PTTG1: variants seen among roughly 807,000 people sequenced by gnomAD.
PTTG1 encodes the protein securin.
PTTG1 carries 8 observed loss-of-function variants against 20.0 expected under a neutral mutation model. The observed-to-expected ratio is 0.40, with a 90% CI of 0.23 to 0.72. The LOEUF is 0.72. Ranked by LOEUF, PTTG1 falls within the 30% of genes least tolerant of loss-of-function variation. The pLI is 0.38. For synonymous variants in PTTG1, 79 were observed against 87.2 expected (o/e 0.91, Z 0.52); for missense variants, 197 against 236.0 (o/e 0.83, Z 1.08).
At chr5:160,424,537 A>G in intron 4 of PTTG1, 3 of 492,422 alleles carry the variant, frequency 6.1e-6, no homozygotes, top group South Asian at 2.8e-5. Context: ...ACAAAGATGT[A>G]GAAGACATTG....
chr5:160,425,556 A>G (rs1273380137), intron 4 of PTTG1, among the ~76,000 whole-genome samples: 1 of 152,228 alleles, frequency 6.6e-6, no homozygotes, highest in Non-Finnish European at 1.5e-5. Flanking sequence ...TTTATCAGAA[A>G]AGAAATATTT....
Position 160,422,864 on chromosome 5 carries a change from C to A in PTTG1, c.247C>A (p.Gln83Lys), listed in dbSNP as rs75360125. The A allele has an allele frequency of 6.2e-7, 1 of 1,614,100 alleles. No individual in the cohort carries two copies. Among genetic ancestry groups the A allele is most frequent in the Non-Finnish European group, 8.5e-7 (1 of 1,179,994 alleles). ...TGTAAAGACCAAGGGACCCCTCAAA[C>A]AAAAACAGCCAAGCTTTTCTGCCAA... ...KSVKTKGPLKQKQPSFSAKKM... is the reference protein window; with the variant it reads ...KSVKTKGPLKKKQPSFSAKKM... The change falls in exon 3 of 6, where the codon CAA becomes AAA. Residue 83 changes from glutamine (Q) to lysine (K), a missense_variant. By Grantham distance (53) the Gln-to-Lys change is moderately conservative. Transcript: ENST00000352433.
At chr5:160,425,765 T>G (rs1462043617) in intron 4 of PTTG1, among the ~76,000 whole-genome samples, 1 of 151,706 alleles carries the variant, frequency 6.6e-6, no homozygotes, top group Non-Finnish European at 1.5e-5. Flanking sequence ...TTCAGTGGTT[T>G]TAAGTTAAAT....
At position 160,428,703 on chromosome 5, in the gene PTTG1, T is replaced by C; in HGVS notation, c.*22T>C. ...TTAAATTTCTTAGTGCTTCAGAGTT[T>C]GTGTGTATTTGTATTAATAAAGCAT... On this transcript the variant is annotated 3_prime_UTR_variant, in exon 6 of 6. Transcript: ENST00000352433. The C allele has an allele frequency of 6.3e-7, 1 of 1,583,420 alleles. No homozygotes were observed. The highest frequency in any genetic ancestry group is 1.3e-5 in the African/African-American group (1 of 74,246).
In PTTG1 at chr5:160,422,794, T is replaced by C. The variant is rs1168366847; in HGVS notation, c.177T>C (p.Ala59=). The C allele has an allele frequency of 6.2e-7, 1 of 1,614,116 alleles. No homozygotes were observed. ...ATGCCCCACCAGCCTTACCTAAAGC[T>C]ACTAGAAAGGCTTTGGGAACTGTCA... ...TFDAPPALPK[A]TRKALGTVNR... is the part of the protein sequence containing the mutation. The change falls in exon 3 of 6, where the codon GCT becomes GCC. Residue 59 remains alanine, a synonymous_variant. Transcript: ENST00000352433.
chr5:160,424,227 G>C lies in PTTG1; in HGVS notation c.277-10G>C, dbSNP rs1480783480. 6.3e-7 allele frequency: 1 copy of C among 1,590,102 alleles called. No homozygotes were observed. Among genetic ancestry groups the C allele is most frequent in the Non-Finnish European group, 8.6e-7 (1 of 1,162,428 alleles). Reference sequence around the variant, plus strand: ...CTGTCACTAACCCATATTTTCTTTGGCTGTTCTAGATGACTGAGAAGACTG... The same window carrying C: ...CTGTCACTAACCCATATTTTCTTTGCCTGTTCTAGATGACTGAGAAGACTG... On this transcript the variant is annotated splice_polypyrimidine_tract_variant and intron_variant, in intron 3 of 5. Coordinates refer to ENST00000352433, the MANE Select transcript of PTTG1 (RefSeq NM_004219.4).
chr5:160,422,257 T>G, intron 1 of PTTG1, 45 bp from the exon 2 acceptor site: 3 of 1,444,044 alleles, frequency 2.1e-6, no homozygotes, highest in Non-Finnish European at 2.9e-6. Flanking sequence ...ATACCTTTGC[T>G]TCTCCCACCT....
intron 4 of PTTG1, 33 bp from the exon 5 acceptor site, chr5:160,427,682 T>A: frequency 1.9e-6 from 3 of 1,606,604 alleles, no homozygotes; most frequent in Non-Finnish European, 2.6e-6. Context: ...TAAGAACTGC[T>A]GCCCTGACAA....
At chr5:160,422,023 G>T (rs540911804) in intron 1 of PTTG1, 132 bp downstream of exon 1, 28 of 273,706 alleles carry the variant, frequency 1.0e-4, no homozygotes, top group African/African-American at 6.2e-4. Flanking sequence ...ATGGCTCCGA[G>T]CCCGTTTGAG....
chr5:160,426,675 A>G (rs532410166), intron 4 of PTTG1, among the ~76,000 whole-genome samples: 1 of 152,376 alleles, frequency 6.6e-6, no homozygotes, highest in Admixed American at 6.5e-5. Context: ...TCAAAAGCAC[A>G]TTAATACCAC....
At chr5:160,424,021 C>A (rs1212060641) in intron 3 of PTTG1, among the ~76,000 whole-genome samples, 1 of 152,168 alleles carries the variant, frequency 6.6e-6, no homozygotes, top group Non-Finnish European at 1.5e-5. Context: ...ATCACTTATG[C>A]TGACAGGTGC....
intron 4 of PTTG1, among the ~76,000 whole-genome samples, 170 bp from the exon 5 acceptor site, chr5:160,427,545 C>T (rs575810094): frequency 6.6e-6 from 1 of 152,316 alleles, no homozygotes; most frequent in African/African-American, 2.4e-5. Context: ...TTCTCCACCG[C>T]TGCCTTGGTA....
intron 5 of PTTG1, 28 bp from the exon 6 acceptor site, chr5:160,428,574 A>T: frequency 6.3e-7 from 1 of 1,599,420 alleles, no homozygotes. Flanking sequence ...ATTTGCAGAA[A>T]TTTTAATAAG....
chr5:160,426,277 T>C (rs1765807903), intron 4 of PTTG1, among the ~76,000 whole-genome samples: 1 of 152,248 alleles, frequency 6.6e-6, no homozygotes, highest in African/African-American at 2.4e-5. Context: ...GCATGGTTTA[T>C]ATTTTTGAAA....
intron 5 of PTTG1, among the ~76,000 whole-genome samples, chr5:160,428,090 C>T (rs890542601): frequency 1.3e-5 from 2 of 152,206 alleles, no homozygotes; most frequent in Admixed American, 1.3e-4. Flanking sequence ...ACTGGATAGT[C>T]TTACTACAGC....
At chr5:160,426,782 G>A (rs1367839529) in intron 4 of PTTG1, among the ~76,000 whole-genome samples, 10 of 152,152 alleles carry the variant, frequency 6.6e-5, no homozygotes, top group African/African-American at 1.9e-4. Flanking sequence ...AGTGGCTCAC[G>A]CCTGTAATCC....
Position 160,428,527 on chromosome 5 carries a change from A to C in PTTG1, c.530-75A>C, listed in dbSNP as rs995434241. 6 of 1,273,166 alleles carry C rather than the reference A, an allele frequency of 4.7e-6. No homozygotes were observed. The Admixed American group carries it at 7.2e-5, about 15-fold the overall frequency. 78.9% of individuals were successfully genotyped at this position (1,273,166 alleles called of 1,614,324 possible). A position where few individuals can be genotyped will look rare whatever the true frequency, so the allele number is the denominator to read the frequency against. On this transcript the variant is annotated intron_variant, in intron 5 of 5. Coordinates refer to ENST00000352433, the MANE Select transcript of PTTG1 (RefSeq NM_004219.4). ...GGAAAAACATGAATTTTTGATTGAC[A>C]GCTAATGTCTATGTTGATATGGACA...
At chr5:160,422,915 A>C (rs1374625018) in intron 3 of PTTG1, 22 bp downstream of exon 3, 1 of 1,610,680 alleles carries the variant, frequency 6.2e-7, no homozygotes, top group Admixed American at 1.7e-5. Flanking sequence ...CTATAAAGAC[A>C]CTGTTTAAAC....
At chr5:160,422,974 A>G in intron 3 of PTTG1, 81 bp downstream of exon 3, 1 of 1,447,624 alleles carries the variant, frequency 6.9e-7, no homozygotes, top group South Asian at 1.2e-5. Flanking sequence ...CATCCTACGT[A>G]GCTTTCTTCC....
Sources: allele counts gnomAD v4.1 joint callset (sites outside exome capture counted in the v4.1 genomes callset), GRCh38; gene constraint gnomAD v4.1.1; transcripts MANE v1.5; gene names NCBI Gene and HGNC (gene_info 2026-07-23, HGNC 2026-07-21).